GRIA4: variants seen among roughly 807,000 people sequenced by gnomAD.
GRIA4 encodes the protein glutamate ionotropic receptor AMPA type subunit 4.
GRIA4 carries 34 observed loss-of-function variants against 104.0 expected under a neutral mutation model. That is an observed-to-expected ratio of 0.33 (90% CI 0.25 to 0.44). The LOEUF (loss-of-function observed/expected upper bound fraction) is 0.44. Ranked by LOEUF, GRIA4 falls within the 20% of genes least tolerant of loss-of-function variation. The pLI is 1.00. For missense variants in GRIA4, 750 were observed against 1,096.5 expected (o/e 0.68, Z 4.46); for synonymous variants, 386 against 381.9 (o/e 1.01, Z -0.13).
intron 4 of GRIA4, among the ~76,000 whole-genome samples, chr11:105,791,658 T>C (rs2135804862): frequency 6.6e-6 from 1 of 152,170 alleles, no homozygotes; most frequent in East Asian, 1.9e-4. Flanking sequence ...TAATATTAGC[T>C]ACTCAGTGAT....
At chr11:105,717,836 A>G (rs1435772497) in intron 3 of GRIA4, among the ~76,000 whole-genome samples, 1 of 149,230 alleles carries the variant, frequency 6.7e-6, no homozygotes, top group Non-Finnish European at 1.5e-5. Context: ...AGCATTAGGT[A>G]TATCTCCCAA....
intron 3 of GRIA4, among the ~76,000 whole-genome samples, chr11:105,652,737 A>T (rs941160556): frequency 1.3e-5 from 2 of 151,862 alleles, no homozygotes; most frequent in African/African-American, 4.9e-5. Context: ...GTATCCCCTT[A>T]TCTATAGGGA....
intron 11 of GRIA4, among the ~76,000 whole-genome samples, chr11:105,922,825 C>T (rs1947602076): frequency 1.3e-5 from 2 of 152,004 alleles, no homozygotes; most frequent in Non-Finnish European, 2.9e-5. Flanking sequence ...CTGGGTCATA[C>T]TAATAAAATA....
chr11:105,854,874 G>T (rs1944954435), intron 4 of GRIA4, among the ~76,000 whole-genome samples: 1 of 152,102 alleles, frequency 6.6e-6, no homozygotes, highest in Non-Finnish European at 1.5e-5. Context: ...TCACATTTCT[G>T]CCACTTAGTG....
intron 3 of GRIA4, among the ~76,000 whole-genome samples, chr11:105,731,359 T>TA (rs1177775292): frequency 9.9e-5 from 15 of 152,054 alleles, no homozygotes; most frequent in South Asian, 4.2e-4. Flanking sequence ...TGGCGATCAT[T>TA]AAAAAATCAG....
At chr11:105,665,979 G>A (rs1952152556) in intron 3 of GRIA4, among the ~76,000 whole-genome samples, 1 of 151,976 alleles carries the variant, frequency 6.6e-6, no homozygotes, top group Non-Finnish European at 1.5e-5. Flanking sequence ...CTTTCAGCTG[G>A]ACAGGGAATA....
intron 3 of GRIA4, among the ~76,000 whole-genome samples, chr11:105,744,964 T>C (rs532017130): frequency 1.3e-5 from 2 of 152,232 alleles, no homozygotes; most frequent in South Asian, 2.1e-4. Flanking sequence ...TCTGTTTCTA[T>C]GGATACAGTA....
intron 3 of GRIA4, among the ~76,000 whole-genome samples, chr11:105,635,925 T>A (rs973543416): frequency 1.3e-5 from 2 of 152,166 alleles, no homozygotes; most frequent in African/African-American, 2.4e-5. Context: ...TAGAAGATAA[T>A]CTCTGTAGCA....
rs904257987 is a variant in GRIA4, at chr11:105,913,346, G to T, written c.1269+2801G>T. 8.2e-6 allele frequency: 5 copies of T among 613,264 alleles called. No homozygotes were observed. The Admixed American group carries it at 3.2e-4, about 39-fold the overall frequency. The allele number at this position is 613,264 out of a possible 1,614,324, so 38.0% of individuals were successfully genotyped here. On this transcript the variant is annotated intron_variant, in intron 10 of 16. Coordinates refer to ENST00000282499, the MANE Select transcript of GRIA4 (RefSeq NM_000829.4). ...TGTAACAGTGTTGTATATCTACAATGTGATTTTCATTTTAATAATGAATTT... is the reference window on the plus strand; with the variant it reads ...TGTAACAGTGTTGTATATCTACAATTTGATTTTCATTTTAATAATGAATTT...
chr11:105,833,362 T>C (rs1221687388), intron 4 of GRIA4, among the ~76,000 whole-genome samples: 1 of 151,986 alleles, frequency 6.6e-6, no homozygotes, highest in Non-Finnish European at 1.5e-5. Flanking sequence ...TTCCATTTCT[T>C]TGTAACATCT....
intron 5 of GRIA4, among the ~76,000 whole-genome samples, chr11:105,868,204 T>C (rs1326939318): frequency 1.3e-5 from 2 of 152,104 alleles, no homozygotes; most frequent in Non-Finnish European, 2.9e-5. Context: ...ACTGGATCTT[T>C]CCAGCCAGAG....
At chr11:105,719,801 C>T (rs1937664490) in intron 3 of GRIA4, among the ~76,000 whole-genome samples, 1 of 151,372 alleles carries the variant, frequency 6.6e-6, no homozygotes, top group Admixed American at 6.6e-5. Flanking sequence ...CCTGAGTTGG[C>T]ATGAAAATTT....
At chr11:105,893,590 G>C (rs1211804874) in intron 6 of GRIA4, among the ~76,000 whole-genome samples, 1 of 152,072 alleles carries the variant, frequency 6.6e-6, no homozygotes, top group African/African-American at 2.4e-5. Flanking sequence ...CATAAGAACA[G>C]GATGGACTCG....
chr11:105,905,427 G>A (rs1947010100), intron 9 of GRIA4, 126 bp downstream of exon 9: 1 of 597,282 alleles, frequency 1.7e-6, no homozygotes, highest in East Asian at 2.8e-5. Flanking sequence ...AAATACTTTA[G>A]TACTTTCTTT....
At chr11:105,872,397 C>G (rs1464382777) in intron 5 of GRIA4, among the ~76,000 whole-genome samples, 2 of 152,024 alleles carry the variant, frequency 1.3e-5, no homozygotes, top group Admixed American at 1.3e-4. Flanking sequence ...GCCAATGGCT[C>G]ACACAGTCCT....
chr11:105,853,794 G>T (rs1478481661), intron 4 of GRIA4, among the ~76,000 whole-genome samples: 1 of 152,086 alleles, frequency 6.6e-6, no homozygotes, highest in Non-Finnish European at 1.5e-5. Context: ...ACTTTTTCTG[G>T]AGTTGGTCTA....
At chr11:105,672,557 C>G (rs983104865) in intron 3 of GRIA4, among the ~76,000 whole-genome samples, 3 of 152,146 alleles carry the variant, frequency 2.0e-5, no homozygotes, top group Non-Finnish European at 4.4e-5. Flanking sequence ...CTTTCCCAGA[C>G]AAGTCCAGTG....
chr11:105,781,050 C>G (rs949594607), intron 4 of GRIA4, among the ~76,000 whole-genome samples: 1 of 152,166 alleles, frequency 6.6e-6, no homozygotes, highest in South Asian at 2.1e-4. Flanking sequence ...CAGTGAAGGA[C>G]AAAATAATGA....
At position 105,886,855 on chromosome 11, in the gene GRIA4, A is replaced by T. The variant is rs72992725; in HGVS notation, c.673-664A>T. ...TGAAAAGATCTCTAGAATTTTTTTT[A>T]AAAAAAGATGTTTGAGTTTCTAATT... On this transcript the variant is annotated intron_variant, in intron 5 of 16. Transcript: ENST00000282499. 4.0e-3 allele frequency among the ~76,000 whole-genome samples: 604 copies of T among 151,930 alleles called. 4 individuals carry two copies. The highest frequency in any genetic ancestry group is 5.9e-3 in the Non-Finnish European group (399 of 67,876).
Sources: gnomAD v4.1 joint callset for allele counts (sites outside exome capture counted in the v4.1 genomes callset) on GRCh38, gnomAD v4.1.1 for gene constraint, MANE v1.5 for transcripts, NCBI Gene and HGNC (gene_info 2026-07-23, HGNC 2026-07-21) for gene names.